Variants in NBEAL1 observed in about 807,000 individuals in gnomAD.
NBEAL1 encodes the protein neurobeachin like 1.
A neutral mutation model predicts 351.3 loss-of-function variants in NBEAL1; 273 were observed. That is an observed-to-expected ratio of 0.78 (90% CI 0.70 to 0.86). NBEAL1 has a LOEUF of 0.86. NBEAL1 is among the 40% of genes least tolerant of loss of function. The pLI is 0.00. For synonymous variants in NBEAL1, 1,050 were observed against 1,086.4 expected, an observed-to-expected ratio of 0.97 and a Z score of 0.66; for missense variants, 2,961 against 3,201.3, an observed-to-expected ratio of 0.92 and a Z score of 1.81.
intron 35 of NBEAL1, among the ~76,000 whole-genome samples, chr2:203,157,261 T>C (rs2063820159): frequency 6.6e-6 from 1 of 152,190 alleles, no homozygotes; most frequent in Non-Finnish European, 1.5e-5. Context: ...ACTTTCGCTC[T>C]TGGTCTGTGT....
Position 203,041,828 on chromosome 2 carries a change from G to A in NBEAL1, c.115G>A (p.Asp39Asn). ...TFVSSYEQFL[D>N]VDFEKLPTRV... ...TGTTTCTAGCTATGAACAATTTTTA[G>A]ACGTTGACTTTGAAAAGCTGCCTAC... Residue 39 changes from aspartate to asparagine, a missense_variant, in exon 3 of 56, where the codon GAC becomes AAC. Physicochemically the swap from Asp to Asn is conservative, Grantham distance 23 (BLOSUM62 1). Transcript: ENST00000683969. The A allele has an allele frequency of 6.4e-7, 1 of 1,553,762 alleles. No individual in the cohort carries two copies. Among genetic ancestry groups the A allele is most frequent in the Non-Finnish European group, 8.7e-7 (1 of 1,147,494 alleles).
intron 53 of NBEAL1, among the ~76,000 whole-genome samples, 173 bp from the exon 54 acceptor site, chr2:203,210,785 G>T (rs539712509): frequency 6.6e-6 from 1 of 152,264 alleles, no homozygotes; most frequent in East Asian, 1.9e-4. Flanking sequence ...TTGGCAATCT[G>T]ATTTGAAATC....
At position 203,125,396 on chromosome 2, in the gene NBEAL1, A is replaced by G. The variant is rs887452991; in HGVS notation, c.2727A>G (p.Leu909=). 2.6e-6 allele frequency: 4 copies of G among 1,546,384 alleles called. No individual in the cohort carries two copies. In the African/African-American group the frequency reaches 4.1e-5, roughly 16 times the overall value. The change falls in exon 20 of 56, where the codon TTA becomes TTG. Residue 909 remains leucine (L), a synonymous_variant. Transcript: ENST00000683969. ...CIGGLNVLFP[L]LEQISHFSEG... ...GTGGGTTAAATGTACTCTTTCCTTT[A>G]TTGGAACAAATCAGCCACTTTAGTG...
rs759111494 is a variant in NBEAL1 at position 203,149,081 on chromosome 2, G to A, written c.5395G>A (p.Ala1799Thr). Residue 1799 changes from alanine (A) to threonine (T), a missense_variant, in exon 34 of 56, where the codon GCC becomes ACC. By Grantham distance (58) the Ala-to-Thr change is moderately conservative (BLOSUM62 0). Coordinates refer to ENST00000683969, the MANE Select transcript of NBEAL1 (RefSeq NM_001378026.1). The stretch of plus-strand genomic sequence containing the variant: ...TAAACAACTTAGCAGTCAACAGTTA[G>A]CCACTCTTAGACGCTGGAAAGCAAT... ...MLKQLSSQQLATLRRWKAIQL... is the reference protein window; with the variant it reads ...MLKQLSSQQLTTLRRWKAIQL... 2.5e-6 allele frequency: 4 copies of A among 1,613,226 alleles called. No individual in the cohort carries two copies. The highest frequency in any genetic ancestry group is 3.4e-6 in the Non-Finnish European group (4 of 1,179,414).
chr2:203,196,609 T>G (rs1266811662), intron 47 of NBEAL1, among the ~76,000 whole-genome samples: 1 of 152,242 alleles, frequency 6.6e-6, no homozygotes, highest in Non-Finnish European at 1.5e-5. Flanking sequence ...TAAAATTTTA[T>G]AAATTATAAT....
chr2:203,184,302 G>A (rs1454845744), intron 44 of NBEAL1, among the ~76,000 whole-genome samples: 1 of 150,246 alleles, frequency 6.7e-6, no homozygotes, highest in East Asian at 2.0e-4. Context: ...GTGTTGGCGG[G>A]TGCCTGTAAT....
intron 2 of NBEAL1, among the ~76,000 whole-genome samples, chr2:203,039,416 C>T (rs1029533916): frequency 2.1e-5 from 3 of 139,898 alleles, no homozygotes; most frequent in African/African-American, 5.1e-5. Context: ...TTGTCCTGTC[C>T]TTTCCGAGAT....
intron 54 of NBEAL1, among the ~76,000 whole-genome samples, chr2:203,212,629 G>T (rs894889099): frequency 6.6e-6 from 1 of 150,612 alleles, no homozygotes; most frequent in Non-Finnish European, 1.5e-5. Context: ...AAAAAGACTA[G>T]TTGGGGAAAT....
In NBEAL1 at chr2:203,198,986, G is replaced by T. The variant is rs1575119324; in HGVS notation, c.7129-352G>T. 2.6e-5 allele frequency among the ~76,000 whole-genome samples: 4 copies of T among 151,682 alleles called. 1 individual carries two copies. The East Asian group carries it at 7.8e-4, about 29-fold the overall frequency. On this transcript the variant is annotated intron_variant, in intron 48 of 55. Coordinates refer to ENST00000683969, the MANE Select transcript of NBEAL1 (RefSeq NM_001378026.1). ...GAGGCTCACTTAAGCCCGGGAGTTG[G>T]AGACTAGCTTGGGCAACATGGTGAA...
At chr2:203,185,543 A>G (rs1450388416) in intron 44 of NBEAL1, among the ~76,000 whole-genome samples, 1 of 152,186 alleles carries the variant, frequency 6.6e-6, no homozygotes, top group Non-Finnish European at 1.5e-5. Flanking sequence ...AAAAGAAAGT[A>G]TAGCCATTTA....
At chr2:203,099,367 G>A (rs2062257072) in intron 11 of NBEAL1, among the ~76,000 whole-genome samples, 1 of 151,570 alleles carries the variant, frequency 6.6e-6, no homozygotes. Flanking sequence ...TAAAAAGCAT[G>A]TGTTAAGCTT....
At position 203,035,032 on chromosome 2, in the gene NBEAL1, T is replaced by C. The variant is rs1249094359; in HGVS notation, c.52-6733T>C. On this transcript the variant is annotated intron_variant, in intron 2 of 55. Coordinates refer to ENST00000683969, the MANE Select transcript of NBEAL1 (RefSeq NM_001378026.1). Reference sequence around the variant, plus strand: ...AGTGAGTACTGTAATCCAAATATCATTGCATAGAGCAAATAAAGCATTCCC... The same window carrying C: ...AGTGAGTACTGTAATCCAAATATCACTGCATAGAGCAAATAAAGCATTCCC... Among the ~76,000 whole-genome samples, 12 of 149,392 alleles carry C rather than the reference T, an allele frequency of 8.0e-5. 1 individual carries two copies. Among genetic ancestry groups the C allele is most frequent in the Non-Finnish European group, 1.5e-5 (1 of 66,634 alleles).
At chr2:203,026,694 T>C (rs1272143974) in intron 2 of NBEAL1, among the ~76,000 whole-genome samples, 1 of 152,138 alleles carries the variant, frequency 6.6e-6, no homozygotes, top group East Asian at 1.9e-4. Flanking sequence ...TTTGTATTTT[T>C]AGTAGAGACA....
At chr2:203,022,310 A>G (rs2060785385) in intron 2 of NBEAL1, among the ~76,000 whole-genome samples, 1 of 152,198 alleles carries the variant, frequency 6.6e-6, no homozygotes, top group East Asian at 1.9e-4. Flanking sequence ...AAGTGACTCA[A>G]AAGCACAGCA....
chr2:203,072,088 A>G (rs1231087373), intron 7 of NBEAL1, among the ~76,000 whole-genome samples: 1 of 152,230 alleles, frequency 6.6e-6, no homozygotes, highest in African/African-American at 2.4e-5. Context: ...GGAAGAGGAA[A>G]CAGCCTTGCC....
At chr2:203,070,765 C>G (rs2061669506) in intron 7 of NBEAL1, among the ~76,000 whole-genome samples, 1 of 152,106 alleles carries the variant, frequency 6.6e-6, no homozygotes, top group Non-Finnish European at 1.5e-5. Flanking sequence ...CATGAGAACT[C>G]TGTCATGAGA....
chr2:203,045,294 T>C (rs183422461), intron 3 of NBEAL1, among the ~76,000 whole-genome samples: 150 of 152,344 alleles, frequency 9.8e-4, no homozygotes, highest in East Asian at 9.1e-3. Context: ...TGTTGACATA[T>C]GTTTTTGGAA....
chr2:203,108,141 G>T lies in NBEAL1; in HGVS notation c.1902G>T (p.Leu634Phe). 6.4e-7 allele frequency: 1 copy of T among 1,551,846 alleles called. No individual in the cohort carries two copies. The highest frequency in any genetic ancestry group is 1.2e-5 in the South Asian group (1 of 84,008). The change falls in exon 14 of 56, where the codon TTG becomes TTT. Residue 634 changes from leucine to phenylalanine, a missense_variant. Leu to Phe is a conservative substitution (Grantham distance 22, BLOSUM62 0). Coordinates refer to ENST00000683969, the MANE Select transcript of NBEAL1 (RefSeq NM_001378026.1). ...GGTTTTGCTTAGACCAGGATCAGTT[G>T]ACTCTTGGCATTGCTAACAAAGGAG... ...SAWFCLDQDQ[L>F]TLGIANKGGK...
At chr2:203,066,531 C>A (rs928190937) in intron 6 of NBEAL1, among the ~76,000 whole-genome samples, 1 of 152,110 alleles carries the variant, frequency 6.6e-6, no homozygotes, top group Non-Finnish European at 1.5e-5. Context: ...CACATTTCCC[C>A]CTTTTCTTTT....
Sources: gnomAD v4.1 joint callset for allele counts (sites outside exome capture counted in the v4.1 genomes callset) on GRCh38, gnomAD v4.1.1 for gene constraint, MANE v1.5 for transcripts, NCBI Gene and HGNC (gene_info 2026-07-23, HGNC 2026-07-21) for gene names.